Variants in RASGRF1 observed in about 807,000 individuals in gnomAD.
The protein encoded by RASGRF1 is ras-specific guanine nucleotide-releasing factor 1.
A neutral mutation model predicts 138.7 loss-of-function variants in RASGRF1; 40 were observed. The ratio of observed to expected loss-of-function variants is 0.29; its 90% CI spans 0.22 to 0.38. RASGRF1 has a LOEUF of 0.38. Among genes scored for constraint, RASGRF1 ranks in the 10% least tolerant of loss-of-function variants. The pLI is 1.00. For missense variants in RASGRF1, 1,108 were observed against 1,650.4 expected (o/e 0.67, Z 5.69); for synonymous variants, 614 against 663.2 (o/e 0.93, Z 1.14).
At chr15:79,017,983 G>C (rs1324240758) in intron 11 of RASGRF1, 77 bp from the exon 12 acceptor site, 1 of 1,565,194 alleles carries the variant, frequency 6.4e-7, no homozygotes, top group Non-Finnish European at 8.7e-7. Context: ...AGTGGTCCCT[G>C]TCGTACGTAC....
chr15:79,058,409 T>C lies in RASGRF1; in HGVS notation c.456A>G (p.Thr152=), dbSNP rs1464114104. 14 of 1,614,092 alleles carry C rather than the reference T, an allele frequency of 8.7e-6. No homozygotes were observed. The highest frequency in any genetic ancestry group is 2.7e-5 in the African/African-American group (2 of 74,950). Residue 152 remains threonine (T), a synonymous_variant, in exon 3 of 27, where the codon ACA becomes ACG. Transcript: ENST00000558480. ...KYLHLLQIVE[T]EKTVAKQLRQ... The stretch of plus-strand genomic sequence containing the variant: ...GAAGCTGCTTGGCCACGGTCTTCTC[T>C]GTCTCCACGATCTGCAGCAGGTGCA...
chr15:79,070,954 C>T (rs2141077696), intron 1 of RASGRF1, among the ~76,000 whole-genome samples: 1 of 152,302 alleles, frequency 6.6e-6, no homozygotes, highest in South Asian at 2.1e-4. Flanking sequence ...CTGGTGGCTG[C>T]ATAGGAGCAT....
At position 78,962,239 on chromosome 15, in the gene RASGRF1, GAGAAA is replaced by G; in HGVS notation, c.3682-8_3682-4del. 1 of 1,537,666 alleles carries G rather than the reference GAGAAA, an allele frequency of 6.5e-7. No individual in the cohort carries two copies. Among genetic ancestry groups the G allele is most frequent in the Non-Finnish European group, 8.9e-7 (1 of 1,125,230 alleles). On this transcript the variant is annotated splice_region_variant and splice_polypyrimidine_tract_variant and intron_variant, in intron 26 of 26. Coordinates refer to ENST00000558480, the MANE Select transcript of RASGRF1 (RefSeq NM_001145648.3). ...TGGTCCAGTAAATATTGCGTTACCT[GAGAAA>G]AGAAAAGAGAAAAGGGAATGGGAGG... is the stretch of plus-strand genomic sequence containing the variant.
chr15:78,989,547 C>A (rs2056227752), intron 22 of RASGRF1, among the ~76,000 whole-genome samples: 1 of 151,912 alleles, frequency 6.6e-6, no homozygotes, highest in Non-Finnish European at 1.5e-5. Context: ...AGCACTGTGG[C>A]CTCCTAACAT....
chr15:79,021,421 C>G lies in RASGRF1; in HGVS notation c.1543-1317G>C, dbSNP rs1056370432. Among the ~76,000 whole-genome samples, 3 of 152,184 alleles carry G rather than the reference C, an allele frequency of 2.0e-5. 1 individual carries two copies. Among genetic ancestry groups the G allele is most frequent in the Admixed American group, 2.0e-4 (3 of 15,278 alleles). Reference sequence around the variant, plus strand: ...GCTCTTTGGTGGCCTTGGGTTAGCCCCCAGGACTAACCCACTGGGCCTCAA... The same window carrying G: ...GCTCTTTGGTGGCCTTGGGTTAGCCGCCAGGACTAACCCACTGGGCCTCAA... On this transcript the variant is annotated intron_variant, in intron 10 of 26. Coordinates refer to ENST00000558480, the MANE Select transcript of RASGRF1 (RefSeq NM_001145648.3).
chr15:79,003,173 G>A (rs1008036892), intron 15 of RASGRF1, among the ~76,000 whole-genome samples: 13 of 152,308 alleles, frequency 8.5e-5, no homozygotes, highest in Non-Finnish European at 1.0e-4. Flanking sequence ...GCCTTTTCTT[G>A]CTCCTCAGTC....
At chr15:79,016,135 T>C (rs2056876072) in intron 12 of RASGRF1, among the ~76,000 whole-genome samples, 1 of 152,190 alleles carries the variant, frequency 6.6e-6, no homozygotes. Context: ...GGTCTTCACA[T>C]TTCTGCCATG....
Position 78,991,812 on chromosome 15 carries a change from G to T in RASGRF1, c.3028-18C>A. On this transcript the variant is annotated intron_variant, in intron 20 of 26. Coordinates refer to ENST00000558480, the MANE Select transcript of RASGRF1 (RefSeq NM_001145648.3). ...CCTTCAGCCTGGTTTTGAGTTGGGG[G>T]AGCAACATTTTGAGTTAGGCCCATG... is the stretch of plus-strand genomic sequence containing the variant. 1 of 1,601,324 alleles carries T rather than the reference G, an allele frequency of 6.2e-7. No individual in the cohort carries two copies. Among genetic ancestry groups the T allele is most frequent in the Non-Finnish European group, 8.6e-7 (1 of 1,168,944 alleles).
rs2056483016 is a variant in RASGRF1 at position 78,999,919 on chromosome 15, G to C, written c.2576-6C>G. 6.2e-7 allele frequency: 1 copy of C among 1,613,346 alleles called. No homozygotes were observed. The highest frequency in any genetic ancestry group is 1.3e-5 in the African/African-American group (1 of 75,038). On this transcript the variant is annotated splice_region_variant and splice_polypyrimidine_tract_variant and intron_variant, in intron 16 of 26. Transcript: ENST00000558480. Reference sequence around the variant, plus strand: ...ATAGGAAAAGAGTGGGAACTCTGCAGAGAGGAGGGAACCAACCCTCAGCTG... The same window carrying C: ...ATAGGAAAAGAGTGGGAACTCTGCACAGAGGAGGGAACCAACCCTCAGCTG...
intron 1 of RASGRF1, among the ~76,000 whole-genome samples, chr15:79,072,204 G>A (rs1188122038): frequency 6.7e-6 from 1 of 150,170 alleles, no homozygotes; most frequent in Admixed American, 6.6e-5. Flanking sequence ...GACTGCCTGA[G>A]GACCTCACGA....
intron 6 of RASGRF1, among the ~76,000 whole-genome samples, chr15:79,033,698 T>A (rs1175641390): frequency 6.8e-6 from 1 of 147,590 alleles, no homozygotes; most frequent in South Asian, 2.3e-4. Flanking sequence ...CAAGCAATTC[T>A]CCTGCCTCAG....
chr15:79,024,893 C>T (rs563655048), intron 10 of RASGRF1, among the ~76,000 whole-genome samples: 5 of 150,558 alleles, frequency 3.3e-5, no homozygotes, highest in South Asian at 2.1e-4. Context: ...ATACACACCA[C>T]GCACACATAC....
intron 1 of RASGRF1, among the ~76,000 whole-genome samples, chr15:79,066,945 C>T (rs62011249): frequency 0.089 from 13,586 of 152,154 alleles, 768 homozygotes; most frequent in Non-Finnish European, 0.12. Flanking sequence ...TTCATCTGCC[C>T]GTCTACTCCA....
At chr15:79,075,227 C>G (rs1305910030) in intron 1 of RASGRF1, among the ~76,000 whole-genome samples, 1 of 152,220 alleles carries the variant, frequency 6.6e-6, no homozygotes, top group Admixed American at 6.5e-5. Flanking sequence ...ACTATACCTG[C>G]GACCTACCAG....
At chr15:79,038,598 G>A (rs951539801) in intron 5 of RASGRF1, among the ~76,000 whole-genome samples, 8 of 152,134 alleles carry the variant, frequency 5.3e-5, no homozygotes, top group African/African-American at 1.9e-4. Context: ...CATGTTCATT[G>A]CTATTTTCTC....
chr15:79,046,976 C>T lies in RASGRF1; in HGVS notation c.648G>A (p.Trp216Ter). The T allele has an allele frequency of 6.2e-7, 1 of 1,613,072 alleles. No homozygotes were observed. Among genetic ancestry groups the T allele is most frequent in the Non-Finnish European group, 8.5e-7 (1 of 1,179,754 alleles). Reference protein sequence around the residue: ...IKKVQSFLRGWLCRRKWKTII... With the variant: ...IKKVQSFLRG ...TGGTCTTCCACTTCCGCCGGCACAGCCAGCCCCGCAGGAAGCTCTGCACCT... is the reference window on the plus strand; with the variant it reads ...TGGTCTTCCACTTCCGCCGGCACAGTCAGCCCCGCAGGAAGCTCTGCACCT... The change falls in exon 5 of 27, where the codon TGG becomes TGA. Residue 216 changes from tryptophan to a stop codon, truncating the protein, a stop_gained. Coordinates refer to ENST00000558480, the MANE Select transcript of RASGRF1 (RefSeq NM_001145648.3). LOFTEE classifies it high-confidence loss of function. This position sits in a 1 kb window ranked among gnomAD's most constrained non-coding sequence, Gnocchi z 5.3.
Position 79,088,958 on chromosome 15 carries a change from T to C in RASGRF1, c.276+1265A>G, listed in dbSNP as rs558069630. ...CTCAGAAACTATCTCCTAACACCCA[T>C]TGGCTGAAGGTAGGGAAGGAAGAGA... On this transcript the variant is annotated intron_variant, in intron 1 of 26. Coordinates refer to ENST00000558480, the MANE Select transcript of RASGRF1 (RefSeq NM_001145648.3). Among the ~76,000 whole-genome samples the C allele has an allele frequency of 3.9e-5, 6 of 152,298 alleles. No homozygotes were observed. The East Asian group carries it at 7.7e-4, about 20-fold the overall frequency.
At chr15:79,068,322 G>A (rs2057706540) in intron 1 of RASGRF1, among the ~76,000 whole-genome samples, 1 of 152,012 alleles carries the variant, frequency 6.6e-6, no homozygotes, top group Non-Finnish European at 1.5e-5. Context: ...TAGGGAAAGA[G>A]CACTGGAAAG....
chr15:78,972,372 G>T (rs1437253241), intron 25 of RASGRF1, among the ~76,000 whole-genome samples: 1 of 150,554 alleles, frequency 6.6e-6, no homozygotes, highest in Non-Finnish European at 1.5e-5. Context: ...TGGGATTATA[G>T]GTGTGAGCGA....
Sources: allele counts gnomAD v4.1 joint callset (sites outside exome capture counted in the v4.1 genomes callset), GRCh38; gene constraint gnomAD v4.1.1; non-coding constraint Gnocchi (gnomAD v3.1); transcripts MANE v1.5; gene names NCBI Gene and HGNC (gene_info 2026-07-23, HGNC 2026-07-21).